The following KAZN variants were observed in gnomAD, a reference collection of about 807,000 sequenced individuals.
The protein encoded by KAZN is kazrin, periplakin interacting protein.
Under a neutral mutation model 87.4 loss-of-function variants are expected in KAZN, and 40 were observed. The observed-to-expected ratio is 0.46, with a 90% CI of 0.36 to 0.60. The LOEUF (loss-of-function observed/expected upper bound fraction) is 0.60, where lower values mean the gene tolerates loss of function less well. Among genes scored for constraint, KAZN ranks in the 20% least tolerant of loss-of-function variants. KAZN has a pLI of 0.00. For missense variants in KAZN, 898 were observed against 1,073.9 expected (o/e 0.84, Z 2.29); for synonymous variants, 466 against 458.3 (o/e 1.02, Z -0.22).
At chr1:13,946,975 G>C (rs544434135) in intron 1 of KAZN, among the ~76,000 whole-genome samples, 2 of 152,250 alleles carry the variant, frequency 1.3e-5, no homozygotes, top group Admixed American at 6.5e-5. Context: ...TGGAGGCTTG[G>C]GGGGAGAATC....
intron 2 of KAZN, among the ~76,000 whole-genome samples, chr1:14,187,127 T>A (rs1313331288): frequency 6.6e-6 from 1 of 152,118 alleles, no homozygotes; most frequent in East Asian, 1.9e-4. Flanking sequence ...TAAAATAGCC[T>A]TTTTTACATT....
intron 1 of KAZN, among the ~76,000 whole-genome samples, chr1:14,069,475 CA>C (rs1396602420): frequency 3.3e-5 from 5 of 152,188 alleles, no homozygotes; most frequent in Non-Finnish European, 5.9e-5. Context: ...TGTTTACTTC[CA>C]AACCCCCATG....
chr1:13,970,222 C>A (rs1269581475), intron 1 of KAZN, among the ~76,000 whole-genome samples: 2 of 152,114 alleles, frequency 1.3e-5, no homozygotes, highest in Non-Finnish European at 2.9e-5. Flanking sequence ...CTTATGATGG[C>A]AGAAAGTGAT....
intron 2 of KAZN, among the ~76,000 whole-genome samples, chr1:14,518,780 A>G (rs1671428458): frequency 6.6e-6 from 1 of 152,244 alleles, no homozygotes; most frequent in South Asian, 2.1e-4. Context: ...GGCTATTAGG[A>G]GAATCAACAT....
chr1:14,899,603 T>C (rs1187317869), intron 1 of KAZN, among the ~76,000 whole-genome samples: 1 of 152,188 alleles, frequency 6.6e-6, no homozygotes, highest in Non-Finnish European at 1.5e-5. Context: ...CCCAAGAAAG[T>C]TGAAAGAAAA....
chr1:14,411,524 T>G (rs1380986555), intron 2 of KAZN, among the ~76,000 whole-genome samples: 1 of 152,214 alleles, frequency 6.6e-6, no homozygotes, highest in African/African-American at 2.4e-5. Flanking sequence ...TTGAACTCCT[T>G]ACCTCAAATG....
chr1:13,998,103 A>G (rs1639612429), intron 1 of KAZN, among the ~76,000 whole-genome samples: 2 of 152,204 alleles, frequency 1.3e-5, no homozygotes, highest in Middle Eastern at 3.2e-3. Flanking sequence ...TCAACCCAGA[A>G]TTTCATATCC....
At chr1:13,981,087 C>CCATATATATATATATATATATATATATA (rs1553181073) in intron 1 of KAZN, among the ~76,000 whole-genome samples, 2 of 8,300 alleles carry the variant, frequency 2.4e-4, no homozygotes, top group Admixed American at 1.7e-3. Flanking sequence ...AAAAATTACT[C>CCATATATATATATATATATATATATATA]TTTATATATA....
chr1:14,023,315 T>G (rs1202524516), intron 1 of KAZN, among the ~76,000 whole-genome samples: 1 of 152,124 alleles, frequency 6.6e-6, no homozygotes, highest in Non-Finnish European at 1.5e-5. Context: ...CAGCGAGACC[T>G]TGTCTCCAAA....
intron 1 of KAZN, among the ~76,000 whole-genome samples, chr1:13,969,549 C>T (rs1333006882): frequency 6.6e-6 from 1 of 152,136 alleles, no homozygotes; most frequent in Non-Finnish European, 1.5e-5. Flanking sequence ...CCTCCTACAC[C>T]ACTCTTTTCC....
chr1:14,786,998 T>G (rs1645528464), intron 1 of KAZN, among the ~76,000 whole-genome samples: 1 of 152,228 alleles, frequency 6.6e-6, no homozygotes, highest in South Asian at 2.1e-4. Context: ...TTCCAACTCT[T>G]GACACCAAAC....
chr1:14,075,835 C>T (rs964606524), intron 1 of KAZN, among the ~76,000 whole-genome samples: 3 of 152,106 alleles, frequency 2.0e-5, no homozygotes, highest in African/African-American at 7.2e-5. Context: ...ACGTCAGTGG[C>T]ACCCTGTTAT....
chr1:14,115,321 G>T (rs1041755208), intron 1 of KAZN, among the ~76,000 whole-genome samples: 2 of 152,220 alleles, frequency 1.3e-5, no homozygotes, highest in Non-Finnish European at 2.9e-5. Flanking sequence ...TGGTTTGGCT[G>T]TGCCCCCACC....
chr1:14,040,485 G>GGT (rs1641779436), intron 1 of KAZN, among the ~76,000 whole-genome samples: 1 of 152,174 alleles, frequency 6.6e-6, no homozygotes, highest in African/African-American at 2.4e-5. Flanking sequence ...TGCTAGGCTG[G>GGT]GCACGGTGGC....
chr1:15,065,596 C>A (rs761302080), intron 7 of KAZN, 34 bp from the exon 8 acceptor site: 2 of 1,566,938 alleles, frequency 1.3e-6, no homozygotes, highest in South Asian at 2.3e-5. Flanking sequence ...CTTCTTCTCC[C>A]CCACCCTCTT....
intron 1 of KAZN, among the ~76,000 whole-genome samples, chr1:14,672,298 TAAAAA>T (rs1320552017): frequency 2.0e-5 from 3 of 152,176 alleles, no homozygotes; most frequent in Admixed American, 6.5e-5. Flanking sequence ...AGTGGTAGGT[TAAAAA>T]GAAAAGAAAG....
intron 1 of KAZN, among the ~76,000 whole-genome samples, chr1:14,957,813 T>C (rs1273327332): frequency 2.6e-5 from 4 of 152,176 alleles, no homozygotes; most frequent in African/African-American, 7.2e-5. Flanking sequence ...GCAGCTAATA[T>C]GCTAGGTGGG....
At chr1:14,420,479 C>T (rs573244559) in intron 2 of KAZN, among the ~76,000 whole-genome samples, 98 of 152,352 alleles carry the variant, frequency 6.4e-4, no homozygotes, top group African/African-American at 2.1e-3. Context: ...AGTCCCGCAC[C>T]ATGCACCCAC....
intron 2 of KAZN, among the ~76,000 whole-genome samples, chr1:14,529,548 A>C (rs988414520): frequency 6.6e-6 from 1 of 152,182 alleles, no homozygotes; most frequent in African/African-American, 2.4e-5. Flanking sequence ...AACACCAAGC[A>C]TGTTGGATTC....
Sources: allele counts gnomAD v4.1 joint callset (sites outside exome capture counted in the v4.1 genomes callset), GRCh38; gene constraint gnomAD v4.1.1; transcripts MANE v1.5; gene names NCBI Gene and HGNC (gene_info 2026-07-23, HGNC 2026-07-21).